The following OXTR variants were observed in gnomAD, a reference collection of about 807,000 sequenced individuals.
The protein encoded by OXTR is oxytocin receptor.
OXTR carries 19 observed loss-of-function variants against 23.9 expected under a neutral mutation model. The ratio of observed to expected loss-of-function variants is 0.80; its 90% CI spans 0.56 to 1.17. The LOEUF (loss-of-function observed/expected upper bound fraction) is 1.17. Ranked by LOEUF, OXTR falls within the 50% of genes most tolerant of loss-of-function variation. OXTR has a pLI of 0.00. For synonymous variants in OXTR, 278 were observed against 250.5 expected, an observed-to-expected ratio of 1.11 and a Z score of -1.04; for missense variants, 500 against 550.7, an observed-to-expected ratio of 0.91 and a Z score of 0.92.
At chr3:8,764,138 C>A (rs1025905079) in intron 3 of OXTR, among the ~76,000 whole-genome samples, 1 of 151,844 alleles carries the variant, frequency 6.6e-6, no homozygotes, top group African/African-American at 2.4e-5. Flanking sequence ...AGAGGGACTT[C>A]GGGTCCCTGG....
chr3:8,741,829 C>T, the OXTR span, among the ~76,000 whole-genome samples: 3 of 152,190 alleles, frequency 2.0e-5, no homozygotes, highest in Non-Finnish European at 2.9e-5. Context: ...ACACCTTCCC[C>T]GCCCTCTCAG....
In OXTR at chr3:8,768,126, G is replaced by A. The variant is rs756453502; in HGVS notation, c.62C>T (p.Pro21Leu). The A allele has an allele frequency of 2.2e-6, 3 of 1,345,960 alleles. No homozygotes were observed. The highest frequency in any genetic ancestry group is 6.4e-5 in the East Asian group (2 of 31,308). The allele number at this position is 1,345,960 out of a possible 1,614,324, so 83.4% of individuals were successfully genotyped here. Residue 21 changes from proline (P) to leucine (L), a missense_variant, in exon 3 of 4, where the codon CCG becomes CTG. Coordinates refer to ENST00000316793, the MANE Select transcript of OXTR (RefSeq NM_000916.4). This position sits in a 1 kb window ranked among gnomAD's most constrained non-coding sequence, Gnocchi z 5.4. ...GGCGGTGCGGTTGCCCTCGGCCCCC[G>A]GCGGCGCGGCGCTGGCGTTGGCTGC... The part of the protein sequence containing the change: ...AEAANASAAP[P>L]GAEGNRTAGP...
intron 3 of OXTR, among the ~76,000 whole-genome samples, chr3:8,757,174 T>C (rs1708390902): frequency 6.6e-6 from 1 of 151,896 alleles, no homozygotes; most frequent in Admixed American, 6.6e-5. Flanking sequence ...ATCTGTAGCA[T>C]GGAGGCGGCA....
At position 8,752,112 on chromosome 3, in the gene OXTR, A is replaced by G. The variant is rs138095850; in HGVS notation, c.*865T>C. On this transcript the variant is annotated 3_prime_UTR_variant, in exon 4 of 4. Transcript: ENST00000316793. ...TTTTATTCTTTCTGATGGTATTATAAATGGAATTATTTAACTTCGTTTTCA... is the reference window on the plus strand; with the variant it reads ...TTTTATTCTTTCTGATGGTATTATAGATGGAATTATTTAACTTCGTTTTCA... 2.6e-5 allele frequency: 4 copies of G among 152,242 alleles called. No individual in the cohort carries two copies. In the East Asian group the frequency reaches 7.7e-4, roughly 29 times the overall value. The allele number at this position is 152,242 out of a possible 1,614,324, so 9.4% of individuals were successfully genotyped here. A position where few individuals can be genotyped will look rare whatever the true frequency, so the allele number is the denominator to read the frequency against.
rs764028238 is a variant in OXTR, at chr3:8,750,602, T to A, written c.*2375A>T. 3.3e-5 allele frequency: 5 copies of A among 152,216 alleles called. No individual in the cohort carries two copies. Among genetic ancestry groups the A allele is most frequent in the Non-Finnish European group, 5.9e-5 (4 of 68,040 alleles). The allele number at this position is 152,216 out of a possible 1,614,324, so 9.4% of individuals were successfully genotyped here. ...TATTCACTCTATATAGATTCGTCCA[T>A]TTTAGACATTGCATTTCAATGCAGT... On this transcript the variant is annotated 3_prime_UTR_variant, in exon 4 of 4. Transcript: ENST00000316793.
At position 8,768,164 on chromosome 3, in the gene OXTR, G is replaced by T; in HGVS notation, c.24C>A (p.Asn8Lys). 4 of 1,327,928 alleles carry T rather than the reference G, an allele frequency of 3.0e-6. No individual in the cohort carries two copies. Among genetic ancestry groups the T allele is most frequent in the Non-Finnish European group, 3.8e-6 (4 of 1,047,718 alleles). The allele number at this position is 1,327,928 out of a possible 1,614,324, so 82.3% of individuals were successfully genotyped here. ...TGGCGTTGGCTGCCTCGGCGCTCCA[G>T]TTGGCTGCGAGCGCGCCCTCCATGA... MEGALAANWSAEAANASA... is the reference protein window; with the variant it reads MEGALAAKWSAEAANASA... Residue 8 changes from asparagine to lysine, a missense_variant, in exon 3 of 4, where the codon AAC (asparagine) becomes AAA (lysine). By Grantham distance (94) the Asn-to-Lys change is moderately conservative (BLOSUM62 0). Transcript: ENST00000316793. This position sits in a 1 kb window ranked among gnomAD's most constrained non-coding sequence, Gnocchi z 5.4.
chr3:8,768,319 C>T lies in OXTR; in HGVS notation c.-132G>A. On this transcript the variant is annotated 5_prime_UTR_variant, in exon 3 of 4. Transcript: ENST00000316793. This position sits in a 1 kb window ranked among gnomAD's most constrained non-coding sequence, Gnocchi z 5.4. The stretch of plus-strand genomic sequence containing the variant: ...CCTGGAGACTCCACGGACGGATCTG[C>T]TGGGTCCACCCTGAAACAAACCGGG... 8.3e-7 allele frequency: 1 copy of T among 1,209,160 alleles called. No individual in the cohort carries two copies. The highest frequency in any genetic ancestry group is 1.0e-6 in the Non-Finnish European group (1 of 973,326). 74.9% of individuals were successfully genotyped at this position (1,209,160 alleles called of 1,614,324 possible).
chr3:8,745,888 G>T, downstream of OXTR: 1 of 1,599,302 alleles, frequency 6.3e-7, no homozygotes, highest in South Asian at 1.1e-5. This position sits in a 1 kb window ranked among gnomAD's most constrained non-coding sequence, Gnocchi z 4.8. Context: ...GGCAACAGCG[G>T]TGGCAGGGCA....
intron 3 of OXTR, among the ~76,000 whole-genome samples, chr3:8,756,568 C>T (rs1708377970): frequency 6.6e-6 from 1 of 152,198 alleles, no homozygotes; most frequent in Non-Finnish European, 1.5e-5. Flanking sequence ...AGCAACTTCC[C>T]TGTTCCCAAA....
At chr3:8,747,629 T>C (rs2124990056), downstream of OXTR, among the ~76,000 whole-genome samples, 1 of 152,328 alleles carries the variant, frequency 6.6e-6, no homozygotes, top group Admixed American at 6.5e-5. Flanking sequence ...TAGCCAGCAC[T>C]ATCACTGTGG....
At chr3:8,755,032 T>C (rs1708345389) in intron 3 of OXTR, among the ~76,000 whole-genome samples, 1 of 152,090 alleles carries the variant, frequency 6.6e-6, no homozygotes, top group African/African-American at 2.4e-5. Context: ...AATATTTTGT[T>C]AAGAAATTTG....
At chr3:8,755,676 A>G (rs547373527) in intron 3 of OXTR, among the ~76,000 whole-genome samples, 1 of 152,184 alleles carries the variant, frequency 6.6e-6, no homozygotes, top group Non-Finnish European at 1.5e-5. Context: ...CAGGGGATGA[A>G]GGGCCCTCTC....
At chr3:8,766,783 G>A (rs762372536) in intron 3 of OXTR, among the ~76,000 whole-genome samples, 19 of 152,116 alleles carry the variant, frequency 1.2e-4, no homozygotes, top group Admixed American at 2.6e-4. Flanking sequence ...CAGACTTCTT[G>A]GCTTCAGCTG....
chr3:8,759,527 T>G (rs1390486602), intron 3 of OXTR, among the ~76,000 whole-genome samples: 1 of 152,212 alleles, frequency 6.6e-6, no homozygotes, highest in Non-Finnish European at 1.5e-5. Flanking sequence ...TCCTGATAAA[T>G]CAGCCACCGC....
chr3:8,748,174 G>C (rs147183645), downstream of OXTR, among the ~76,000 whole-genome samples: 20 of 152,308 alleles, frequency 1.3e-4, no homozygotes, highest in African/African-American at 4.3e-4. Context: ...TACAGTGTTT[G>C]ATTCAGTAGT....
chr3:8,765,644 A>G (rs554130565), intron 3 of OXTR, among the ~76,000 whole-genome samples: 1 of 152,330 alleles, frequency 6.6e-6, no homozygotes, highest in African/African-American at 2.4e-5. Flanking sequence ...CCCAGGAAAC[A>G]GGTGAGGCCT....
rs1708702334 is a variant in OXTR, at chr3:8,768,862, C to T, written c.-238-271G>A. Among the ~76,000 whole-genome samples, 1 of 152,184 alleles carries T rather than the reference C, an allele frequency of 6.6e-6. No individual in the cohort carries two copies. The highest frequency in any genetic ancestry group is 2.4e-5 in the African/African-American group (1 of 41,444). ...TAACCCCCTTTTCTAAGACGGTCGG[C>T]CGTCACTCCCTGAACTTCCACAGCA... On this transcript the variant is annotated intron_variant, in intron 1 of 3. Transcript: ENST00000316793. This position sits in a 1 kb window ranked among gnomAD's most constrained non-coding sequence, Gnocchi z 5.4.
intron 3 of OXTR, among the ~76,000 whole-genome samples, chr3:8,758,986 C>A (rs2268492): frequency 6.6e-6 from 1 of 152,108 alleles, no homozygotes; most frequent in Non-Finnish European, 1.5e-5. Context: ...TGGCTGGCTA[C>A]AGGGCATCTG....
In OXTR at chr3:8,752,916, C is replaced by A. The variant is rs1236779547; in HGVS notation, c.*61G>T. 6.5e-7 allele frequency: 1 copy of A among 1,532,740 alleles called. No individual in the cohort carries two copies. Among genetic ancestry groups the A allele is most frequent in the Non-Finnish European group, 8.8e-7 (1 of 1,137,598 alleles). 94.9% of individuals were successfully genotyped at this position (1,532,740 alleles called of 1,614,324 possible). On this transcript the variant is annotated 3_prime_UTR_variant, in exon 4 of 4. Coordinates refer to ENST00000316793, the MANE Select transcript of OXTR (RefSeq NM_000916.4). ...ACAAACATACGCCATCACCTAGGAG[C>A]AGAGCACTTATGCCAGCACAGCCTG...
Sources: allele counts gnomAD v4.1 joint callset (sites outside exome capture counted in the v4.1 genomes callset), GRCh38; gene constraint gnomAD v4.1.1; non-coding constraint Gnocchi (gnomAD v3.1); transcripts MANE v1.5; gene names NCBI Gene and HGNC (gene_info 2026-07-23, HGNC 2026-07-21).